The following THSD7A variants were observed in gnomAD, a reference collection of about 807,000 sequenced individuals.
THSD7A encodes thrombospondin type-1 domain-containing protein 7A.
THSD7A carries 96 observed loss-of-function variants against 231.3 expected under a neutral mutation model. The ratio of observed to expected loss-of-function variants is 0.41; its 90% CI spans 0.35 to 0.49. The LOEUF is 0.49. Ranked by LOEUF, THSD7A falls within the 20% of genes least tolerant of loss-of-function variation. The probability of loss-of-function intolerance (pLI) is 0.05; values close to 1 mark genes in which losing one functional copy is unlikely to be tolerated. For synonymous variants in THSD7A, 940 were observed against 743.3 expected (o/e 1.26, Z -4.30); for missense variants, 2,290 against 2,070.2 (o/e 1.11, Z -2.06).
chr7:11,817,683 A>G (rs1387879903), intron 1 of THSD7A, among the ~76,000 whole-genome samples: 5 of 152,220 alleles, frequency 3.3e-5, no homozygotes, highest in Non-Finnish European at 4.4e-5. Flanking sequence ...TGTGCCAGGC[A>G]CCATCTAAGT....
chr7:11,669,970 CAT>C (rs1491454632), intron 1 of THSD7A, among the ~76,000 whole-genome samples: 1 of 98,222 alleles, frequency 1.0e-5, no homozygotes, highest in African/African-American at 4.2e-5. Flanking sequence ...CTGTTGCATT[CAT>C]GTGTGTGTGT....
At position 11,426,589 on chromosome 7, in the gene THSD7A, G is replaced by C. The variant is rs1416720273; in HGVS notation, c.3249+77C>G. On this transcript the variant is annotated intron_variant, in intron 15 of 27. Transcript: ENST00000423059. ...AAACATAAAAGACAAAGCAAGAAGA[G>C]AAATGTATTCTCAGAAATCAGGAAA... 2.9e-6 allele frequency: 4 copies of C among 1,399,324 alleles called. No homozygotes were observed. In the African/African-American group the frequency reaches 5.8e-5, roughly 20 times the overall value. The allele number at this position is 1,399,324 out of a possible 1,614,324, so 86.7% of individuals were successfully genotyped here.
chr7:11,631,006 C>G (rs1781629629), intron 2 of THSD7A, among the ~76,000 whole-genome samples: 3 of 152,182 alleles, frequency 2.0e-5, no homozygotes, highest in African/African-American at 7.2e-5. Context: ...GCCAGAAGAC[C>G]AGAAAATAAC....
At chr7:11,805,582 C>T (rs1032251616) in intron 1 of THSD7A, among the ~76,000 whole-genome samples, 1 of 151,916 alleles carries the variant, frequency 6.6e-6, no homozygotes, top group Non-Finnish European at 1.5e-5. Flanking sequence ...ATATAATTTC[C>T]TTATATATTG....
intron 2 of THSD7A, among the ~76,000 whole-genome samples, chr7:11,630,933 G>C (rs1391785038): frequency 6.6e-6 from 1 of 152,204 alleles, no homozygotes; most frequent in African/African-American, 2.4e-5. Flanking sequence ...GCTTGTTGCA[G>C]TCTGGAGATG....
intron 1 of THSD7A, among the ~76,000 whole-genome samples, chr7:11,775,049 A>T (rs1203031278): frequency 6.6e-6 from 1 of 152,182 alleles, no homozygotes; most frequent in East Asian, 1.9e-4. Flanking sequence ...TCTCAAAAGC[A>T]AACAAAAAAC....
chr7:11,545,223 GA>G (rs1789329213), intron 4 of THSD7A, among the ~76,000 whole-genome samples: 1 of 152,044 alleles, frequency 6.6e-6, no homozygotes, highest in Non-Finnish European at 1.5e-5. Context: ...TTGGGTAGAA[GA>G]CCTTAAAATC....
chr7:11,769,153 A>ATATTTTTTTTTTTTTTTTTTTT, intron 1 of THSD7A, among the ~76,000 whole-genome samples: 4 of 27,650 alleles, frequency 1.4e-4, no homozygotes, highest in Non-Finnish European at 2.8e-4. Context: ...ATATATATAT[A>ATATTTTTTTTTTTTTTTTTTTT]TTTTTTTTTT....
At chr7:11,597,848 T>C (rs1415339643) in intron 2 of THSD7A, among the ~76,000 whole-genome samples, 1 of 152,136 alleles carries the variant, frequency 6.6e-6, no homozygotes, top group Non-Finnish European at 1.5e-5. Flanking sequence ...ACAAGTAAGC[T>C]ACATGAGGAA....
At chr7:11,826,121 A>C (rs1441112960) in intron 1 of THSD7A, among the ~76,000 whole-genome samples, 1 of 152,236 alleles carries the variant, frequency 6.6e-6, no homozygotes. Flanking sequence ...GAACAAAGGC[A>C]TAATTTTAAT....
rs749277673 is a variant in THSD7A, at chr7:11,831,663, A to T, written c.190+94T>A. 27 of 944,028 alleles carry T rather than the reference A, an allele frequency of 2.9e-5. No homozygotes were observed. Among genetic ancestry groups the T allele is most frequent in the Non-Finnish European group, 3.8e-5 (27 of 717,610 alleles). 58.5% of individuals were successfully genotyped at this position (944,028 alleles called of 1,614,324 possible). A position where few individuals can be genotyped will look rare whatever the true frequency, so the allele number is the denominator to read the frequency against. The stretch of plus-strand genomic sequence containing the variant: ...CTTAGGATACCAGCATAACCAAGCC[A>T]TCCAAAAGCACCGGGGTCCCTACAG... On this transcript the variant is annotated intron_variant, in intron 1 of 27. Transcript: ENST00000423059. The surrounding 1 kb of genome is among the most constrained non-coding windows in gnomAD (Gnocchi z 5.0).
chr7:11,372,207 A>C lies in THSD7A; in HGVS notation c.*3587T>G, dbSNP rs1390220221. ...AAGACATGTACATTACGTAGGGGAA[A>C]ATACTAACCCCATCTAAAAACAAAC... On this transcript the variant is annotated 3_prime_UTR_variant, in exon 28 of 28. Coordinates refer to ENST00000423059, the MANE Select transcript of THSD7A (RefSeq NM_015204.3). 1 of 152,084 alleles carries C rather than the reference A, an allele frequency of 6.6e-6. No individual in the cohort carries two copies. The highest frequency in any genetic ancestry group is 2.4e-5 in the African/African-American group (1 of 41,408). The allele number at this position is 152,084 out of a possible 1,614,324, so 9.4% of individuals were successfully genotyped here. A position where few individuals can be genotyped will look rare whatever the true frequency, so the allele number is the denominator to read the frequency against.
intron 13 of THSD7A, among the ~76,000 whole-genome samples, chr7:11,434,709 A>G (rs1784578091): frequency 6.6e-6 from 1 of 152,084 alleles, no homozygotes. Flanking sequence ...ACTGGGAATG[A>G]GAAAATGTAG....
At chr7:11,654,988 A>G (rs1046300045) in intron 1 of THSD7A, among the ~76,000 whole-genome samples, 1 of 151,884 alleles carries the variant, frequency 6.6e-6, no homozygotes, top group African/African-American at 2.4e-5. Flanking sequence ...TTGATGATGA[A>G]TAGTGCAACG....
chr7:11,553,990 A>AATTAATTTTTAAATTAAAT (rs1789737865), intron 4 of THSD7A, among the ~76,000 whole-genome samples: 1 of 151,938 alleles, frequency 6.6e-6, no homozygotes, highest in Admixed American at 6.6e-5. Flanking sequence ...AAATGTTTTG[A>AATTAATTTTTAAATTAAAT]GGTAATTGTA....
chr7:11,801,495 A>G (rs1443430449), intron 1 of THSD7A, among the ~76,000 whole-genome samples: 1 of 152,208 alleles, frequency 6.6e-6, no homozygotes, highest in Non-Finnish European at 1.5e-5. Flanking sequence ...AAGTGCCAGA[A>G]ACAAAATTTT....
chr7:11,524,626 A>G (rs1287734996), intron 6 of THSD7A, among the ~76,000 whole-genome samples: 1 of 152,156 alleles, frequency 6.6e-6, no homozygotes, highest in Non-Finnish European at 1.5e-5. Flanking sequence ...AGCCGGAAAC[A>G]GAGCTCCACA....
intron 9 of THSD7A, among the ~76,000 whole-genome samples, chr7:11,462,442 G>A (rs925768100): frequency 6.6e-6 from 1 of 152,160 alleles, no homozygotes; most frequent in Non-Finnish European, 1.5e-5. Context: ...TCTTTCCCTT[G>A]AGGAATATGA....
At chr7:11,808,849 A>G (rs942197354) in intron 1 of THSD7A, among the ~76,000 whole-genome samples, 2 of 152,172 alleles carry the variant, frequency 1.3e-5, no homozygotes, top group African/African-American at 2.4e-5. Context: ...ACCTACAAGA[A>G]TATCATTTAC....
Sources: gnomAD v4.1 joint callset for allele counts (sites outside exome capture counted in the v4.1 genomes callset) on GRCh38, gnomAD v4.1.1 for gene constraint, Gnocchi (gnomAD v3.1) non-coding constraint, MANE v1.5 for transcripts, NCBI Gene and HGNC (gene_info 2026-07-23, HGNC 2026-07-21) for gene names.